Variants in PRORP observed in about 807,000 individuals in gnomAD.
PRORP encodes protein only RNase P catalytic subunit, also known as mitochondrial ribonuclease P catalytic subunit.
Under a neutral mutation model 59.4 loss-of-function variants are expected in PRORP, and 51 were observed. That is an observed-to-expected ratio of 0.86 (90% CI 0.69 to 1.08). PRORP has a LOEUF of 1.08. PRORP is among the 50% of genes least tolerant of loss of function. The pLI, the probability that PRORP is intolerant of heterozygous loss-of-function variation, is 0.00. For missense variants in PRORP, 646 were observed against 690.3 expected (o/e 0.94, Z 0.72); for synonymous variants, 231 against 245.6 (o/e 0.94, Z 0.55).
At chr14:35,195,735 A>G (rs2139105473) in intron 5 of PRORP, among the ~76,000 whole-genome samples, 1 of 152,228 alleles carries the variant, frequency 6.6e-6, no homozygotes, top group South Asian at 2.1e-4. Context: ...TCTTTTAATG[A>G]TTCTTAGGGT....
intron 5 of PRORP, among the ~76,000 whole-genome samples, chr14:35,243,454 T>A (rs1456902962): frequency 6.6e-6 from 1 of 151,620 alleles, no homozygotes; most frequent in Non-Finnish European, 1.5e-5. Context: ...GAGGATGACT[T>A]GAGCCCAGGA....
intron 5 of PRORP, among the ~76,000 whole-genome samples, chr14:35,200,026 G>C (rs532810203): frequency 2.0e-5 from 3 of 152,172 alleles, no homozygotes; most frequent in South Asian, 2.1e-4. Context: ...AGGATAAATG[G>C]AAACAGCCAT....
chr14:35,122,883 G>C (rs878916558), intron 1 of PRORP, 69 bp from the exon 2 acceptor site: 6 of 199,514 alleles, frequency 3.0e-5, no homozygotes, highest in Non-Finnish European at 6.3e-5. Context: ...GTGGGAATCT[G>C]TTCCTTTTCA....
At chr14:35,152,680 G>A (rs1213789709) in intron 4 of PRORP, among the ~76,000 whole-genome samples, 3 of 151,514 alleles carry the variant, frequency 2.0e-5, no homozygotes, top group African/African-American at 2.4e-5. Flanking sequence ...CAGACGGGGC[G>A]GCTGCCGGGC....
intron 5 of PRORP, among the ~76,000 whole-genome samples, chr14:35,185,056 GTTGAA>G (rs2139057204): frequency 6.6e-6 from 1 of 152,266 alleles, no homozygotes; most frequent in East Asian, 1.9e-4. Context: ...GGATTGCTGG[GTTGAA>G]TGGTAGTTCT....
At chr14:35,132,074 G>A (rs1427066983) in intron 4 of PRORP, among the ~76,000 whole-genome samples, 2 of 151,728 alleles carry the variant, frequency 1.3e-5, no homozygotes, top group African/African-American at 2.4e-5. Flanking sequence ...CCTGACCTGA[G>A]GTGATCCGTC....
chr14:35,240,100 A>G (rs1218964012), intron 5 of PRORP, among the ~76,000 whole-genome samples: 2 of 151,702 alleles, frequency 1.3e-5, no homozygotes, highest in Non-Finnish European at 2.9e-5. Flanking sequence ...AGAAGAAGAA[A>G]TTAGAAAAGA....
At chr14:35,182,813 G>T (rs1595259345) in intron 5 of PRORP, among the ~76,000 whole-genome samples, 1 of 152,226 alleles carries the variant, frequency 6.6e-6, no homozygotes, top group South Asian at 2.1e-4. Context: ...ATATCAGTGC[G>T]ATATTTTTGG....
intron 5 of PRORP, among the ~76,000 whole-genome samples, chr14:35,181,783 CAAAA>C (rs71121270): frequency 1.8e-5 from 2 of 109,396 alleles, no homozygotes; most frequent in African/African-American, 3.8e-5. Context: ...AAAACTGTCT[CAAAA>C]AAAAAAAAAA....
intron 4 of PRORP, among the ~76,000 whole-genome samples, chr14:35,174,055 C>T (rs2048384032): frequency 6.6e-6 from 1 of 152,136 alleles, no homozygotes; most frequent in Admixed American, 6.6e-5. Flanking sequence ...GCTGTATTAT[C>T]TTTTATTTCC....
chr14:35,159,046 A>G, intron 4 of PRORP: 2 of 275,064 alleles, frequency 7.3e-6, no homozygotes, highest in Non-Finnish European at 7.1e-6. Context: ...TCCACAGAAG[A>G]ACCACGGTGC....
chr14:35,161,413 C>T (rs962710063), intron 4 of PRORP, among the ~76,000 whole-genome samples: 1 of 152,144 alleles, frequency 6.6e-6, no homozygotes, highest in African/African-American at 2.4e-5. Flanking sequence ...GGAAGTTAGA[C>T]ACTGTGTTGG....
At chr14:35,152,597 C>A (rs965161240) in intron 4 of PRORP, among the ~76,000 whole-genome samples, 1 of 151,364 alleles carries the variant, frequency 6.6e-6, no homozygotes, top group Non-Finnish European at 1.5e-5. Context: ...GCTGGCCGGG[C>A]GGGGGCTGAC....
chr14:35,262,448 C>G (rs2050929474), intron 5 of PRORP: 1 of 436,998 alleles, frequency 2.3e-6, no homozygotes, highest in Admixed American at 3.5e-5. Flanking sequence ...TTTGCCATGT[C>G]TACTGAGAGA....
chr14:35,270,648 G>A (rs1360156004), intron 7 of PRORP, 52 bp downstream of exon 7: 2 of 1,481,854 alleles, frequency 1.3e-6, no homozygotes, highest in Admixed American at 1.8e-5. Context: ...TATACAGTAA[G>A]AATGTGGCAT....
At chr14:35,214,739 T>A (rs2139184899) in intron 5 of PRORP, among the ~76,000 whole-genome samples, 1 of 152,280 alleles carries the variant, frequency 6.6e-6, no homozygotes, top group African/African-American at 2.4e-5. Flanking sequence ...AAACTGCATC[T>A]CTACTAAAAA....
chr14:35,203,518 C>A (rs1436126443), intron 5 of PRORP, among the ~76,000 whole-genome samples: 1 of 152,018 alleles, frequency 6.6e-6, no homozygotes, highest in Non-Finnish European at 1.5e-5. Flanking sequence ...CAGAGTGATA[C>A]CCTGTCTCAA....
intron 4 of PRORP, among the ~76,000 whole-genome samples, chr14:35,147,850 A>C (rs1314084139): frequency 6.6e-6 from 1 of 152,260 alleles, no homozygotes; most frequent in Non-Finnish European, 1.5e-5. Flanking sequence ...TCATTTTAAC[A>C]ATATTTACAA....
chr14:35,267,924 C>G (rs1270240540), intron 6 of PRORP, among the ~76,000 whole-genome samples: 2 of 152,182 alleles, frequency 1.3e-5, no homozygotes, highest in African/African-American at 4.8e-5. Flanking sequence ...AACCGCAATG[C>G]AGAGGACCTT....
Sources: allele counts gnomAD v4.1 joint callset (sites outside exome capture counted in the v4.1 genomes callset), GRCh38; gene constraint gnomAD v4.1.1; transcripts MANE v1.5; gene names NCBI Gene and HGNC (gene_info 2026-07-23, HGNC 2026-07-21).